The following NRG4 variants were observed in gnomAD, a reference collection of about 807,000 sequenced individuals.
The protein encoded by NRG4 is pro-neuregulin-4, membrane-bound isoform.
Under a neutral mutation model 15.0 loss-of-function variants are expected in NRG4, and 10 were observed. The observed-to-expected ratio is 0.67, with a 90% CI of 0.41 to 1.13. The LOEUF is 1.13. Among genes scored for constraint, NRG4 ranks in the 50% most tolerant of loss-of-function variants. The probability of loss-of-function intolerance (pLI) is 0.00; values close to 1 mark genes in which losing one functional copy is unlikely to be tolerated. For synonymous variants in NRG4, 41 were observed against 50.1 expected, an observed-to-expected ratio of 0.82 and a Z score of 0.77; for missense variants, 139 against 140.2, an observed-to-expected ratio of 0.99 and a Z score of 0.04.
chr15:75,955,452 T>G (rs2032181546), intron 5 of NRG4, among the ~76,000 whole-genome samples: 1 of 152,206 alleles, frequency 6.6e-6, no homozygotes, highest in South Asian at 2.1e-4. Context: ...ATTTTAATGC[T>G]CCATATATTT....
intron 3 of NRG4, among the ~76,000 whole-genome samples, chr15:75,966,500 ATAAC>A (rs369433157): frequency 1.1e-3 from 172 of 152,336 alleles, no homozygotes; most frequent in African/African-American, 4.0e-3. Flanking sequence ...AAGGAATAAA[ATAAC>A]TAAGAAAAAT....
At chr15:76,044,020 T>TCG (rs1182571810) in intron 4 of NRG4, among the ~76,000 whole-genome samples, 2 of 152,124 alleles carry the variant, frequency 1.3e-5, no homozygotes, top group Non-Finnish European at 2.9e-5. Flanking sequence ...AGATGGAGTC[T>TCG]CGCTCTGTCG....
chr15:76,024,857 C>T (rs1306503675), intron 5 of NRG4, among the ~76,000 whole-genome samples: 1 of 152,142 alleles, frequency 6.6e-6, no homozygotes, highest in African/African-American at 2.4e-5. Flanking sequence ...CAAACTGACA[C>T]CCCAAGACCC....
intron 5 of NRG4, among the ~76,000 whole-genome samples, chr15:75,955,376 A>G (rs948071632): frequency 1.3e-5 from 2 of 152,198 alleles, no homozygotes; most frequent in Non-Finnish European, 2.9e-5. Flanking sequence ...GTCTATTGCC[A>G]TCTCTCAGGG....
At chr15:76,040,595 A>G (rs1172265305) in intron 4 of NRG4, among the ~76,000 whole-genome samples, 1 of 152,256 alleles carries the variant, frequency 6.6e-6, no homozygotes, top group Admixed American at 6.5e-5. Context: ...TATCCTAAAT[A>G]GAAAGATTAA....
upstream of NRG4, among the ~76,000 whole-genome samples, chr15:76,016,500 T>C (rs2034984255): frequency 1.3e-5 from 2 of 152,376 alleles, no homozygotes; most frequent in East Asian, 3.9e-4. Context: ...CTCTAAACAC[T>C]GCTTTAGCTG....
chr15:75,957,051 G>A (rs2032275900), intron 4 of NRG4, among the ~76,000 whole-genome samples: 2 of 151,590 alleles, frequency 1.3e-5, no homozygotes, highest in Admixed American at 1.3e-4. Flanking sequence ...AAAATATCAA[G>A]GTCAAAATTA....
intron 2 of NRG4, 21 bp downstream of exon 2, chr15:76,011,200 T>C (rs2034797874): frequency 7.1e-7 from 1 of 1,417,750 alleles, no homozygotes; most frequent in Non-Finnish European, 9.3e-7. Context: ...GACAAAAACA[T>C]ATAAATATAT....
intron 5 of NRG4, among the ~76,000 whole-genome samples, chr15:76,025,990 G>A (rs370810976): frequency 1.8e-4 from 27 of 151,440 alleles, no homozygotes; most frequent in African/African-American, 4.1e-4. Context: ...GGCAGCCCCC[G>A]ACTACACACC....
chr15:75,943,465 A>G lies in NRG4; in HGVS notation c.*173T>C, dbSNP rs758846569. 1.8e-4 allele frequency: 107 copies of G among 587,644 alleles called. No homozygotes were observed. The highest frequency in any genetic ancestry group is 4.5e-4 in the Middle Eastern group (1 of 2,224). 36.4% of individuals were successfully genotyped at this position (587,644 alleles called of 1,614,324 possible). A position where few individuals can be genotyped will look rare whatever the true frequency, so the allele number is the denominator to read the frequency against. On this transcript the variant is annotated 3_prime_UTR_variant, in exon 6 of 6. Transcript: ENST00000394907. ...AGCAGTTGCCGATGGACTGATGCAC[A>G]TTACAGAAGCACACACACCTTGCAG...
At chr15:75,975,050 C>T (rs1045653692) in intron 3 of NRG4, among the ~76,000 whole-genome samples, 3 of 152,098 alleles carry the variant, frequency 2.0e-5, no homozygotes, top group African/African-American at 7.2e-5. Flanking sequence ...TGGGTGCATA[C>T]ATATTTAGGA....
intron 4 of NRG4, among the ~76,000 whole-genome samples, chr15:75,958,722 T>C (rs970253218): frequency 6.6e-6 from 1 of 152,212 alleles, no homozygotes; most frequent in Non-Finnish European, 1.5e-5. Context: ...CTTTTCCTTC[T>C]ATTATACCTA....
intron 2 of NRG4, among the ~76,000 whole-genome samples, chr15:76,055,568 T>C (rs929777488): frequency 6.6e-6 from 1 of 152,206 alleles, no homozygotes; most frequent in East Asian, 1.9e-4. Flanking sequence ...CTTGGAAATA[T>C]ATACAATAGC....
At chr15:76,020,800 A>G (rs1158566067) in intron 5 of NRG4, among the ~76,000 whole-genome samples, 4 of 152,258 alleles carry the variant, frequency 2.6e-5, no homozygotes, top group African/African-American at 9.6e-5. Context: ...AAGAAGCAGC[A>G]GAAGAAAAGT....
intron 4 of NRG4, among the ~76,000 whole-genome samples, chr15:76,048,471 CAAA>C (rs35429006): frequency 1.4e-4 from 10 of 74,008 alleles, no homozygotes; most frequent in African/African-American, 4.4e-4. Flanking sequence ...GACTCTGACT[CAAA>C]AAAAAAAAAA....
At chr15:75,987,091 C>G (rs995829557) in intron 3 of NRG4, among the ~76,000 whole-genome samples, 6 of 152,146 alleles carry the variant, frequency 3.9e-5, no homozygotes, top group Non-Finnish European at 7.3e-5. Context: ...AAAGCAATCC[C>G]TAGGCCCCCA....
At chr15:76,020,830 G>A (rs935982251) in intron 5 of NRG4, among the ~76,000 whole-genome samples, 3 of 152,202 alleles carry the variant, frequency 2.0e-5, no homozygotes, top group Admixed American at 6.5e-5. Context: ...GCAGAGGTTG[G>A]TTCATGAGGT....
intron 4 of NRG4, among the ~76,000 whole-genome samples, chr15:76,043,179 C>T (rs2035787048): frequency 6.6e-6 from 1 of 152,088 alleles, no homozygotes; most frequent in South Asian, 2.1e-4. Context: ...ATATGACAGA[C>T]CCATAACTAG....
downstream of NRG4, chr15:75,938,124 G>A (rs2030562128): frequency 6.6e-6 from 1 of 152,162 alleles, no homozygotes; most frequent in South Asian, 2.1e-4. Flanking sequence ...AAGCTGATTT[G>A]TAAAATCTAG....
Sources: allele counts gnomAD v4.1 joint callset (sites outside exome capture counted in the v4.1 genomes callset), GRCh38; gene constraint gnomAD v4.1.1; transcripts MANE v1.5; gene names NCBI Gene and HGNC (gene_info 2026-07-23, HGNC 2026-07-21).